Variants in CSMD1 observed in about 807,000 individuals in gnomAD.
CSMD1 encodes the protein CUB and Sushi multiple domains 1, also known as CUB and sushi domain-containing protein 1.
CSMD1 carries 213 observed loss-of-function variants against 417.5 expected under a neutral mutation model. The observed-to-expected ratio is 0.51, with a 90% CI of 0.46 to 0.57. The LOEUF (loss-of-function observed/expected upper bound fraction) is 0.57. Ranked by LOEUF, CSMD1 falls within the 20% of genes least tolerant of loss-of-function variation. CSMD1 has a pLI of 0.00. For synonymous variants in CSMD1, 2,862 were observed against 1,736.8 expected, an observed-to-expected ratio of 1.65 and a Z score of -16.11; for missense variants, 6,923 against 4,529.7, an observed-to-expected ratio of 1.53 and a Z score of -15.17.
At chr8:3,585,350 T>C (rs898563417) in intron 9 of CSMD1, among the ~76,000 whole-genome samples, 1 of 152,212 alleles carries the variant, frequency 6.6e-6, no homozygotes. Flanking sequence ...TTCTTACATA[T>C]GAAGCTTTCC....
chr8:4,085,027 A>C (rs1049726046), intron 3 of CSMD1, among the ~76,000 whole-genome samples: 2 of 152,202 alleles, frequency 1.3e-5, no homozygotes, highest in Non-Finnish European at 2.9e-5. Context: ...TATGCAAACT[A>C]TCCACAAATT....
At chr8:3,151,149 G>A (rs548363641) in intron 40 of CSMD1, 3 of 371,488 alleles carry the variant, frequency 8.1e-6, no homozygotes, top group Admixed American at 4.2e-5. Context: ...TTTGTACTTC[G>A]TATGCCTACT....
intron 3 of CSMD1, among the ~76,000 whole-genome samples, chr8:4,193,376 G>T (rs1353251308): frequency 6.6e-6 from 1 of 152,164 alleles, no homozygotes; most frequent in African/African-American, 2.4e-5. Flanking sequence ...TAAATGTACT[G>T]AGTATCAAAA....
At chr8:3,971,292 CT>C (rs1813070993) in intron 5 of CSMD1, among the ~76,000 whole-genome samples, 1 of 152,194 alleles carries the variant, frequency 6.6e-6, no homozygotes, top group African/African-American at 2.4e-5. Context: ...TCCTCACCTC[CT>C]CATGGGTTCT....
chr8:3,790,765 G>C (rs987883891), intron 5 of CSMD1, among the ~76,000 whole-genome samples: 1 of 152,120 alleles, frequency 6.6e-6, no homozygotes, highest in Non-Finnish European at 1.5e-5. Context: ...AGAAATAACT[G>C]CTGAGTATAG....
At chr8:4,119,094 G>C (rs1585353733) in intron 3 of CSMD1, among the ~76,000 whole-genome samples, 2 of 152,018 alleles carry the variant, frequency 1.3e-5, no homozygotes, top group Admixed American at 6.6e-5. Flanking sequence ...CCTGTCAGTG[G>C]GTGGGGACAA....
At chr8:4,566,841 G>A (rs1225670026) in intron 2 of CSMD1, among the ~76,000 whole-genome samples, 2 of 151,556 alleles carry the variant, frequency 1.3e-5, no homozygotes, top group Non-Finnish European at 2.9e-5. Flanking sequence ...ACTGTATGAA[G>A]ATATAGCTCC....
chr8:4,037,462 G>C (rs764062656), intron 3 of CSMD1, among the ~76,000 whole-genome samples: 2 of 152,128 alleles, frequency 1.3e-5, no homozygotes, highest in Admixed American at 6.5e-5. Context: ...TCAATGGTTT[G>C]CTTTTTTGTC....
At chr8:3,162,379 T>G in intron 37 of CSMD1, 102 bp from the exon 38 acceptor site, 2 of 761,644 alleles carry the variant, frequency 2.6e-6, no homozygotes, top group Non-Finnish European at 4.5e-6. Context: ...TCTGTAGAAA[T>G]GAACAAAGAC....
chr8:4,680,047 G>C (rs1423247198), intron 1 of CSMD1, among the ~76,000 whole-genome samples: 4 of 152,236 alleles, frequency 2.6e-5, no homozygotes, highest in Non-Finnish European at 4.4e-5. Context: ...GTATGCAAAT[G>C]ATGTGAATAA....
chr8:3,494,547 G>T (rs1445025645), intron 10 of CSMD1, among the ~76,000 whole-genome samples: 1 of 142,150 alleles, frequency 7.0e-6, no homozygotes, highest in Non-Finnish European at 1.5e-5. Flanking sequence ...GATACAGACA[G>T]ATTAGATGAT....
intron 9 of CSMD1, among the ~76,000 whole-genome samples, chr8:3,585,047 C>G (rs900089477): frequency 2.0e-5 from 3 of 152,164 alleles, no homozygotes; most frequent in Non-Finnish European, 4.4e-5. Context: ...TGACAACTCG[C>G]TATCAGCTGG....
chr8:3,521,851 T>A (rs540259658), intron 10 of CSMD1, among the ~76,000 whole-genome samples: 1 of 152,346 alleles, frequency 6.6e-6, no homozygotes, highest in Non-Finnish European at 1.5e-5. Context: ...TATCATACTA[T>A]CTATTCTAAT....
chr8:4,241,049 A>C (rs1200084191), intron 3 of CSMD1, among the ~76,000 whole-genome samples: 1 of 152,176 alleles, frequency 6.6e-6, no homozygotes, highest in African/African-American at 2.4e-5. Flanking sequence ...TCTTTTAATG[A>C]AGCTACCCCT....
intron 3 of CSMD1, among the ~76,000 whole-genome samples, chr8:4,037,286 G>C (rs968679095): frequency 6.6e-6 from 1 of 152,082 alleles, no homozygotes; most frequent in African/African-American, 2.4e-5. Context: ...TGGGAAAATT[G>C]GTCTTGTCTT....
chr8:3,513,381 G>T (rs1410744503), intron 10 of CSMD1, among the ~76,000 whole-genome samples: 2 of 150,280 alleles, frequency 1.3e-5, no homozygotes, highest in Non-Finnish European at 3.0e-5. Flanking sequence ...TGTTACCCAG[G>T]CTGGTGTGGA....
chr8:3,021,833 G>A (rs1024923035), intron 51 of CSMD1, among the ~76,000 whole-genome samples: 7 of 142,184 alleles, frequency 4.9e-5, no homozygotes, highest in South Asian at 2.3e-4. Context: ...CATCCGGAAT[G>A]CACCTGCAAT....
chr8:4,114,286 G>A (rs1050893639), intron 3 of CSMD1, among the ~76,000 whole-genome samples: 3 of 152,156 alleles, frequency 2.0e-5, no homozygotes, highest in Non-Finnish European at 2.9e-5. Flanking sequence ...CACTCTGCCT[G>A]TGCTGTCTAA....
At chr8:4,934,548 C>T (rs66508847) in intron 1 of CSMD1, among the ~76,000 whole-genome samples, 46,957 of 151,878 alleles carry the variant, frequency 0.31, 8,208 homozygotes, top group Non-Finnish European at 0.4. Flanking sequence ...CTACTAGGAA[C>T]GAGATGGAGA....
Sources: allele counts gnomAD v4.1 joint callset (sites outside exome capture counted in the v4.1 genomes callset), GRCh38; gene constraint gnomAD v4.1.1; transcripts MANE v1.5; gene names NCBI Gene and HGNC (gene_info 2026-07-23, HGNC 2026-07-21).